The following DNAH12 variants were observed in gnomAD, a reference collection of about 807,000 sequenced individuals.
The protein encoded by DNAH12 is axonemal beta dynein heavy chain 12.
A neutral mutation model predicts 371.5 loss-of-function variants in DNAH12; 285 were observed. The ratio of observed to expected loss-of-function variants is 0.77; its 90% CI spans 0.70 to 0.85. The LOEUF (loss-of-function observed/expected upper bound fraction) is 0.85, where lower values mean the gene tolerates loss of function less well. Ranked by LOEUF, DNAH12 falls within the 40% of genes least tolerant of loss-of-function variation. The pLI is 0.00. For missense variants in DNAH12, 3,611 were observed against 3,689.4 expected, an observed-to-expected ratio of 0.98 and a Z score of 0.55; for synonymous variants, 1,200 against 1,213.0, an observed-to-expected ratio of 0.99 and a Z score of 0.22.
chr3:57,388,971 T>C (rs2063552468), intron 45 of DNAH12, among the ~76,000 whole-genome samples: 2 of 151,994 alleles, frequency 1.3e-5, no homozygotes, highest in African/African-American at 4.8e-5. Flanking sequence ...AGTTAATGGG[T>C]GCAGCACACC....
intron 2 of DNAH12, among the ~76,000 whole-genome samples, chr3:57,536,632 T>C (rs2069057227): frequency 6.6e-6 from 1 of 152,176 alleles, no homozygotes; most frequent in South Asian, 2.1e-4. Context: ...CTTCCCTTCA[T>C]CCATCATTTC....
chr3:57,362,346 T>C (rs2062956012), intron 58 of DNAH12, among the ~76,000 whole-genome samples: 1 of 152,220 alleles, frequency 6.6e-6, no homozygotes, highest in South Asian at 2.1e-4. Flanking sequence ...TGTGTCTTTA[T>C]AGTAGCGTGA....
intron 66 of DNAH12, among the ~76,000 whole-genome samples, chr3:57,311,550 G>A (rs2061584758): frequency 5.3e-5 from 8 of 152,178 alleles, no homozygotes; most frequent in Admixed American, 5.2e-4. Flanking sequence ...TATCAACTGG[G>A]GTTTTGTCCC....
At chr3:57,421,406 A>T in intron 36 of DNAH12, 112 bp downstream of exon 36, 1 of 981,764 alleles carries the variant, frequency 1.0e-6, no homozygotes, top group Non-Finnish European at 1.5e-6. Context: ...AAGGGAGCTT[A>T]AAAAGCTCAC....
intron 11 of DNAH12, among the ~76,000 whole-genome samples, chr3:57,499,712 G>A (rs1338959454): frequency 1.6e-5 from 2 of 126,940 alleles, no homozygotes; most frequent in South Asian, 2.6e-4. Context: ...GGAGGTGTAC[G>A]CTTCCAGTCT....
chr3:57,535,248 G>A (rs557279028), intron 2 of DNAH12, among the ~76,000 whole-genome samples: 19 of 152,306 alleles, frequency 1.2e-4, no homozygotes, highest in South Asian at 4.1e-4. Context: ...AAAAGTTCAC[G>A]TGTTGGAAAC....
intron 29 of DNAH12, among the ~76,000 whole-genome samples, chr3:57,438,953 A>G (rs1451478487): frequency 6.7e-6 from 1 of 150,202 alleles, no homozygotes; most frequent in African/African-American, 2.5e-5. Flanking sequence ...TCCATTTACA[A>G]TAGACATACA....
intron 13 of DNAH12, among the ~76,000 whole-genome samples, chr3:57,472,984 C>A (rs569443277): frequency 6.6e-6 from 1 of 152,060 alleles, no homozygotes; most frequent in South Asian, 2.1e-4. Context: ...ATAATTAAAT[C>A]TTCAGAAGTC....
At chr3:57,352,657 A>G (rs553004626) in intron 59 of DNAH12, among the ~76,000 whole-genome samples, 17 of 145,482 alleles carry the variant, frequency 1.2e-4, no homozygotes, top group African/African-American at 4.4e-4. Flanking sequence ...TCAGTTAATT[A>G]AAAAAAAAAA....
intron 7 of DNAH12, among the ~76,000 whole-genome samples, chr3:57,508,084 G>A (rs574106097): frequency 1.3e-5 from 2 of 151,628 alleles, no homozygotes; most frequent in African/African-American, 2.4e-5. Context: ...CTACTCGGAA[G>A]GCTGAGGCAG....
At chr3:57,431,903 G>C (rs2064966778) in intron 32 of DNAH12, among the ~76,000 whole-genome samples, 1 of 152,128 alleles carries the variant, frequency 6.6e-6, no homozygotes, top group Non-Finnish European at 1.5e-5. Flanking sequence ...ACGAAGAAAA[G>C]AGAAATCATC....
chr3:57,337,444 G>A (rs2062253045), intron 60 of DNAH12, among the ~76,000 whole-genome samples: 1 of 152,212 alleles, frequency 6.6e-6, no homozygotes, highest in African/African-American at 2.4e-5. Flanking sequence ...CAGATCACCT[G>A]AGGTCGGGAG....
At chr3:57,519,655 C>A in intron 4 of DNAH12, 1 of 1,469,830 alleles carries the variant, frequency 6.8e-7, no homozygotes, top group South Asian at 1.1e-5. Context: ...CACTAAGAAG[C>A]CTTCTAACCG....
At chr3:57,430,864 G>T (rs566069403) in intron 32 of DNAH12, among the ~76,000 whole-genome samples, 9 of 152,218 alleles carry the variant, frequency 5.9e-5, no homozygotes, top group African/African-American at 2.2e-4. Flanking sequence ...GAATGATCTA[G>T]AGGTGGATTG....
At chr3:57,297,800 C>G (rs772584107) in intron 70 of DNAH12, among the ~76,000 whole-genome samples, 21 of 152,124 alleles carry the variant, frequency 1.4e-4, no homozygotes, top group Admixed American at 4.6e-4. Flanking sequence ...GAAGAATTGC[C>G]AGAATATAAC....
chr3:57,360,815 C>T (rs1480644308), intron 58 of DNAH12, among the ~76,000 whole-genome samples: 2 of 151,978 alleles, frequency 1.3e-5, no homozygotes, highest in African/African-American at 4.8e-5. Flanking sequence ...TTTTTAATTA[C>T]CCTAAAGTGA....
Position 57,433,265 on chromosome 3 carries a change from A to G in DNAH12, c.4980+102T>C, listed in dbSNP as rs2065010671. On this transcript the variant is annotated intron_variant, in intron 32 of 73. Transcript: ENST00000495027. The stretch of plus-strand genomic sequence containing the variant: ...ACCTACTCAACTTGCTGCATCCTTT[A>G]TTTTTGCATCCTTTATTTTAAATAG... 8.3e-6 allele frequency: 11 copies of G among 1,326,668 alleles called. No individual in the cohort carries two copies. The East Asian group carries it at 3.0e-4, about 36-fold the overall frequency. The allele number at this position is 1,326,668 out of a possible 1,614,324, so 82.2% of individuals were successfully genotyped here.
chr3:57,371,246 G>GT (rs1246609751), intron 55 of DNAH12, among the ~76,000 whole-genome samples: 3 of 151,724 alleles, frequency 2.0e-5, no homozygotes, highest in Non-Finnish European at 2.9e-5. Flanking sequence ...CTGAAGTTTA[G>GT]TTTTTTTTAT....
At chr3:57,451,824 T>G (rs983075566) in intron 25 of DNAH12, among the ~76,000 whole-genome samples, 2 of 152,062 alleles carry the variant, frequency 1.3e-5, no homozygotes, top group Non-Finnish European at 2.9e-5. Flanking sequence ...GGGATGGGCG[T>G]GCTCCTAACA....
Sources: allele counts gnomAD v4.1 joint callset (sites outside exome capture counted in the v4.1 genomes callset), GRCh38; gene constraint gnomAD v4.1.1; transcripts MANE v1.5; gene names NCBI Gene and HGNC (gene_info 2026-07-23, HGNC 2026-07-21).